LAMC1: variants seen among roughly 807,000 people sequenced by gnomAD.
LAMC1 encodes the protein laminin subunit gamma 1.
Under a neutral mutation model 173.6 loss-of-function variants are expected in LAMC1, and 38 were observed. The ratio of observed to expected loss-of-function variants is 0.22; its 90% confidence interval spans 0.17 to 0.29. The LOEUF (loss-of-function observed/expected upper bound fraction) is 0.29. Among genes scored for constraint, LAMC1 ranks in the 10% least tolerant of loss-of-function variants. LAMC1 has a pLI of 1.00. For synonymous variants in LAMC1, 746 were observed against 749.1 expected, an observed-to-expected ratio of 1.00 and a Z score of 0.07; for missense variants, 1,824 against 2,051.8, an observed-to-expected ratio of 0.89 and a Z score of 2.14.
At chr1:183,116,126 T>C (rs1656313538) in intron 6 of LAMC1, among the ~76,000 whole-genome samples, 1 of 108,644 alleles carries the variant, frequency 9.2e-6, no homozygotes, top group Non-Finnish European at 2.1e-5. Flanking sequence ...CGAGACTCTG[T>C]CTCAAAAAAA....
At chr1:183,125,152 A>G (rs1054689455) in intron 14 of LAMC1, 16 of 592,328 alleles carry the variant, frequency 2.7e-5, no homozygotes, top group Middle Eastern at 4.5e-4. Context: ...TAAGTAATCA[A>G]TAAAAATTGT....
At chr1:183,088,323 T>G (rs1241812690) in intron 1 of LAMC1, among the ~76,000 whole-genome samples, 3 of 152,266 alleles carry the variant, frequency 2.0e-5, no homozygotes, top group Non-Finnish European at 4.4e-5. Flanking sequence ...GCACTTGTTT[T>G]GTGCCAAGCA....
intron 1 of LAMC1, among the ~76,000 whole-genome samples, chr1:183,056,419 T>C (rs904847868): frequency 7.2e-5 from 11 of 152,316 alleles, no homozygotes; most frequent in African/African-American, 2.6e-4. Flanking sequence ...GTTTCTTCCC[T>C]GTATGACCTT....
Position 183,142,518 on chromosome 1 carries a change from CT to C in LAMC1, c.4574-13del, listed in dbSNP as rs1309428116. On this transcript the variant is annotated splice_polypyrimidine_tract_variant and intron_variant, in intron 27 of 27. Coordinates refer to ENST00000258341, the MANE Select transcript of LAMC1 (RefSeq NM_002293.4). ...GAATATGTCTGTTCTCTTCTATGTA[CT>C]TTCTGACCCTCCAGGGCAGCTGGAT... 6.3e-7 allele frequency: 1 copy of C among 1,596,238 alleles called. No individual in the cohort carries two copies. Among genetic ancestry groups the C allele is most frequent in the Admixed American group, 1.7e-5 (1 of 58,266 alleles).
In LAMC1 at chr1:183,104,651, T is replaced by C. The variant is rs550697500; in HGVS notation, c.723+1019T>C. 2.0e-5 allele frequency among the ~76,000 whole-genome samples: 3 copies of C among 152,344 alleles called. No homozygotes were observed. In the South Asian group the frequency reaches 6.2e-4, roughly 32 times the overall value. The stretch of plus-strand genomic sequence containing the variant: ...ATCTTCTTATTCTTTCTCACCGTTA[T>C]TATGTTCAGGGACTCTCTTTCTAAT... On this transcript the variant is annotated intron_variant, in intron 2 of 27. Transcript: ENST00000258341.
At position 183,142,826 on chromosome 1, in the gene LAMC1, G is replaced by C. The variant is rs751407961; in HGVS notation, c.*36G>C. 3 of 1,535,544 alleles carry C rather than the reference G, an allele frequency of 2.0e-6. No homozygotes were observed. On this transcript the variant is annotated 3_prime_UTR_variant, in exon 28 of 28. Transcript: ENST00000258341. ...GCTGGAAGGCAGCATCCCTCTGACA[G>C]GGGGGCAGTTGTGAGGCCACAGAGT...
intron 1 of LAMC1, among the ~76,000 whole-genome samples, chr1:183,063,787 T>G (rs1014964490): frequency 3.3e-5 from 5 of 152,192 alleles, no homozygotes; most frequent in African/African-American, 1.2e-4. Context: ...ATACAGAGGG[T>G]GCTTTTGCTT....
chr1:183,138,820 G>A (rs758183314), intron 26 of LAMC1, among the ~76,000 whole-genome samples: 5 of 152,074 alleles, frequency 3.3e-5, no homozygotes, highest in African/African-American at 7.3e-5. Flanking sequence ...TTGAGAGGCC[G>A]AGGTGGGTGG....
At chr1:183,103,776 T>A in intron 2 of LAMC1, 144 bp downstream of exon 2, 2 of 583,652 alleles carry the variant, frequency 3.4e-6, no homozygotes, top group Non-Finnish European at 5.7e-6. Flanking sequence ...GAGAGCTTGA[T>A]TCTGCTCTCT....
rs560644108 is a variant in LAMC1 at position 183,070,612 on chromosome 1, G to A, written c.419-32716G>A. ...TTTTTTAACTAGAAATGGAATAAAT[G>A]CTGTATCTAGTTAATAATTAGGAAA... On this transcript the variant is annotated intron_variant, in intron 1 of 27. Coordinates refer to ENST00000258341, the MANE Select transcript of LAMC1 (RefSeq NM_002293.4). Among the ~76,000 whole-genome samples the A allele has an allele frequency of 4.1e-4, 63 of 152,302 alleles. 1 individual carries two copies. Among genetic ancestry groups the A allele is most frequent in the African/African-American group, 1.3e-3 (56 of 41,568 alleles).
chr1:183,142,491 C>T, intron 27 of LAMC1, 43 bp from the exon 28 acceptor site: 2 of 1,545,396 alleles, frequency 1.3e-6, no homozygotes, highest in Admixed American at 1.9e-5. Context: ...ATCATTCTTA[C>T]TGAATATGTC....
At chr1:183,053,517 C>T (rs1176120148) in intron 1 of LAMC1, among the ~76,000 whole-genome samples, 3 of 152,026 alleles carry the variant, frequency 2.0e-5, no homozygotes, top group African/African-American at 7.3e-5. Flanking sequence ...GTCTCATCAG[C>T]TCTCCTGAGA....
chr1:183,043,052 T>A (rs1002391172), intron 1 of LAMC1, among the ~76,000 whole-genome samples: 2 of 152,232 alleles, frequency 1.3e-5, no homozygotes, highest in Non-Finnish European at 2.9e-5. Flanking sequence ...CTTGAACATA[T>A]ACAGTTTTGT....
chr1:183,106,361 T>C (rs772948441), intron 2 of LAMC1, among the ~76,000 whole-genome samples: 8 of 152,246 alleles, frequency 5.3e-5, no homozygotes, highest in Admixed American at 2.0e-4. Flanking sequence ...GAGTAGGAGT[T>C]GTTATTGGAG....
At chr1:183,064,877 G>T (rs987580331) in intron 1 of LAMC1, among the ~76,000 whole-genome samples, 4 of 152,076 alleles carry the variant, frequency 2.6e-5, no homozygotes, top group Non-Finnish European at 4.4e-5. Context: ...AGCAGCTCAG[G>T]AACCAACTTT....
intron 1 of LAMC1, among the ~76,000 whole-genome samples, chr1:183,073,051 GA>G (rs1655050403): frequency 6.6e-6 from 1 of 152,180 alleles, no homozygotes; most frequent in South Asian, 2.1e-4. Flanking sequence ...GAATCATCCT[GA>G]AACCGGTTCC....
intron 1 of LAMC1, among the ~76,000 whole-genome samples, chr1:183,025,680 GT>G (rs1452881527): frequency 6.6e-6 from 1 of 152,266 alleles, no homozygotes; most frequent in East Asian, 1.9e-4. Context: ...CTTTTGACTT[GT>G]TAAAGTTTCT....
At chr1:183,131,768 C>G (rs1656803017) in intron 20 of LAMC1, among the ~76,000 whole-genome samples, 1 of 152,114 alleles carries the variant, frequency 6.6e-6, no homozygotes, top group African/African-American at 2.4e-5. Flanking sequence ...TTCTTGCTGG[C>G]ATACACAATT....
At chr1:183,090,900 A>G (rs1323928279) in intron 1 of LAMC1, among the ~76,000 whole-genome samples, 1 of 152,098 alleles carries the variant, frequency 6.6e-6, no homozygotes. Context: ...TTTCTGCTTC[A>G]CTGGTTCATT....
Sources: allele counts gnomAD v4.1 joint callset (sites outside exome capture counted in the v4.1 genomes callset), GRCh38; gene constraint gnomAD v4.1.1; transcripts MANE v1.5; gene names NCBI Gene and HGNC (gene_info 2026-07-23, HGNC 2026-07-21).